Variants in GPM6A observed in about 807,000 individuals in gnomAD.
GPM6A encodes glycoprotein M6A.
A neutral mutation model predicts 32.1 loss-of-function variants in GPM6A; 7 were observed. The observed-to-expected ratio is 0.22, with a 90% CI of 0.12 to 0.41. The LOEUF (loss-of-function observed/expected upper bound fraction) is 0.41, where lower values mean the gene tolerates loss of function less well. Among genes scored for constraint, GPM6A ranks in the 10% least tolerant of loss-of-function variants. GPM6A has a pLI of 1.00. For missense variants in GPM6A, 235 were observed against 347.2 expected, an observed-to-expected ratio of 0.68 and a Z score of 2.57; for synonymous variants, 130 against 123.4, an observed-to-expected ratio of 1.05 and a Z score of -0.35.
At chr4:175,691,319 C>T (rs1056627200) in intron 2 of GPM6A, among the ~76,000 whole-genome samples, 1 of 152,182 alleles carries the variant, frequency 6.6e-6, no homozygotes, top group Admixed American at 6.5e-5. Flanking sequence ...TATCCTACTT[C>T]TTAAGGGATT....
At chr4:175,664,130 C>G (rs1051483253) in intron 3 of GPM6A, among the ~76,000 whole-genome samples, 1 of 152,082 alleles carries the variant, frequency 6.6e-6, no homozygotes, top group Non-Finnish European at 1.5e-5. Context: ...CTATGACTTT[C>G]TGGGAAAGAC....
chr4:175,856,470 C>A (rs931946149), intron 1 of GPM6A, among the ~76,000 whole-genome samples: 1 of 152,234 alleles, frequency 6.6e-6, no homozygotes, highest in African/African-American at 2.4e-5. Flanking sequence ...TTGCCCACGA[C>A]CTCTGGAGCC....
chr4:175,859,851 G>C (rs1023335791), intron 1 of GPM6A, among the ~76,000 whole-genome samples: 2 of 152,036 alleles, frequency 1.3e-5, no homozygotes, highest in African/African-American at 4.8e-5. Flanking sequence ...ATAACCATGA[G>C]TAGTATGTCA....
chr4:175,826,922 G>A (rs1354033897), intron 1 of GPM6A, among the ~76,000 whole-genome samples: 1 of 152,002 alleles, frequency 6.6e-6, no homozygotes, highest in African/African-American at 2.4e-5. Context: ...CTCATTACAC[G>A]ACTTCAGGCG....
At chr4:175,935,306 G>T (rs562580808) in intron 1 of GPM6A, among the ~76,000 whole-genome samples, 32 of 152,106 alleles carry the variant, frequency 2.1e-4, no homozygotes, top group Non-Finnish European at 4.6e-4. Context: ...CATTGAATTT[G>T]GTTATCTCAG....
At chr4:175,920,645 C>T (rs979874843) in intron 1 of GPM6A, among the ~76,000 whole-genome samples, 14 of 152,002 alleles carry the variant, frequency 9.2e-5, no homozygotes, top group Admixed American at 2.6e-4. Flanking sequence ...CTCAGGAGTT[C>T]GAGACTAGCC....
At chr4:175,937,287 T>A (rs1356301869) in intron 1 of GPM6A, among the ~76,000 whole-genome samples, 3 of 152,150 alleles carry the variant, frequency 2.0e-5, no homozygotes, top group Non-Finnish European at 4.4e-5. Flanking sequence ...TTAAAAGGAA[T>A]CAACTCAAAT....
intron 1 of GPM6A, among the ~76,000 whole-genome samples, chr4:175,894,810 G>T (rs72623904): frequency 1.9e-5 from 2 of 106,660 alleles, no homozygotes; most frequent in Non-Finnish European, 4.7e-5. Flanking sequence ...ATTATACAAA[G>T]AATACATGAC....
intron 3 of GPM6A, among the ~76,000 whole-genome samples, chr4:175,665,618 TACCAAAAACACAAA>T (rs1162511777): frequency 4.6e-5 from 7 of 151,806 alleles, no homozygotes; most frequent in African/African-American, 1.7e-4. Flanking sequence ...AACCTATGTC[TACCAAAAACACAAA>T]GGTTAGCCTG....
chr4:175,714,522 T>A (rs1745732200), intron 1 of GPM6A, among the ~76,000 whole-genome samples: 1 of 152,064 alleles, frequency 6.6e-6, no homozygotes, highest in Non-Finnish European at 1.5e-5. Context: ...GTGTTGGGAT[T>A]ATAGGGGAGA....
At chr4:175,789,848 G>GT (rs1189895241) in intron 1 of GPM6A, among the ~76,000 whole-genome samples, 1 of 152,136 alleles carries the variant, frequency 6.6e-6, no homozygotes, top group Non-Finnish European at 1.5e-5. Context: ...ATGTGCCTTT[G>GT]TATGCCATCT....
chr4:175,912,297 T>G (rs961533173), intron 1 of GPM6A, among the ~76,000 whole-genome samples: 3 of 152,144 alleles, frequency 2.0e-5, no homozygotes, highest in African/African-American at 7.2e-5. Flanking sequence ...TGAGAAATAC[T>G]CTTTTATGTA....
At chr4:175,971,677 A>G (rs1232314536) in intron 1 of GPM6A, among the ~76,000 whole-genome samples, 1 of 152,236 alleles carries the variant, frequency 6.6e-6, no homozygotes, top group African/African-American at 2.4e-5. Flanking sequence ...GAGATGGTAG[A>G]AGAAACAGTG....
chr4:175,802,872 T>G (rs1056483097), intron 1 of GPM6A, among the ~76,000 whole-genome samples: 1 of 151,936 alleles, frequency 6.6e-6, no homozygotes, highest in South Asian at 2.1e-4. Context: ...TCTTTAATAA[T>G]AAAAAAAGAA....
chr4:175,718,834 AT>A (rs1309351906), intron 1 of GPM6A, among the ~76,000 whole-genome samples: 1 of 152,236 alleles, frequency 6.6e-6, no homozygotes, highest in Non-Finnish European at 1.5e-5. Context: ...CAGTTGAGAC[AT>A]TTGAAGCCAT....
At chr4:175,733,329 C>T (rs1213387191) in intron 1 of GPM6A, among the ~76,000 whole-genome samples, 1 of 151,898 alleles carries the variant, frequency 6.6e-6, no homozygotes, top group Non-Finnish European at 1.5e-5. Context: ...CAGTGAAATC[C>T]TGTCACTACT....
At chr4:175,747,802 T>C (rs2111181234) in intron 1 of GPM6A, among the ~76,000 whole-genome samples, 1 of 143,204 alleles carries the variant, frequency 7.0e-6, no homozygotes, top group African/African-American at 2.5e-5. Flanking sequence ...GTTTGCCACA[T>C]TGATTAACTA....
At chr4:175,637,327 TTA>T (rs1740760558) in intron 6 of GPM6A, among the ~76,000 whole-genome samples, 1 of 78,708 alleles carries the variant, frequency 1.3e-5, no homozygotes, top group Non-Finnish European at 2.2e-5. Context: ...AAAATATATA[TTA>T]TATATTATAT....
chr4:175,934,581 T>C (rs551927424), intron 1 of GPM6A, among the ~76,000 whole-genome samples: 3 of 152,318 alleles, frequency 2.0e-5, no homozygotes, highest in Admixed American at 2.0e-4. Context: ...ATGTATTTTG[T>C]TCCAGGGCAT....
Sources: gnomAD v4.1 joint callset for allele counts (sites outside exome capture counted in the v4.1 genomes callset) on GRCh38, gnomAD v4.1.1 for gene constraint, MANE v1.5 for transcripts, NCBI Gene and HGNC (gene_info 2026-07-23, HGNC 2026-07-21) for gene names.